The following PPP6R2 variants were observed in gnomAD, a reference collection of about 807,000 sequenced individuals.
PPP6R2 encodes serine/threonine-protein phosphatase 6 regulatory subunit 2.
A neutral mutation model predicts 100.2 loss-of-function variants in PPP6R2; 62 were observed. The observed-to-expected ratio is 0.62, with a 90% CI of 0.50 to 0.76. The LOEUF is 0.76. Among genes scored for constraint, PPP6R2 ranks in the 30% least tolerant of loss-of-function variants. The pLI is 0.00. For synonymous variants in PPP6R2, 525 were observed against 514.7 expected, an observed-to-expected ratio of 1.02 and a Z score of -0.27; for missense variants, 1,142 against 1,276.3, an observed-to-expected ratio of 0.89 and a Z score of 1.60.
rs767854684 is a variant in PPP6R2, at chr22:50,414,602, G to C, written c.465G>C (p.Lys155Asn). The C allele has an allele frequency of 6.2e-7, 1 of 1,613,962 alleles. No homozygotes were observed. The highest frequency in any genetic ancestry group is 8.5e-7 in the Non-Finnish European group (1 of 1,180,004). Residue 155 changes from lysine to asparagine, a missense_variant, in exon 5 of 24, where the codon AAG becomes AAC. Transcript: ENST00000612753. Reference protein sequence around the residue: ...KKDKFISLVLKHIGTSALMDL... With the variant: ...KKDKFISLVLNHIGTSALMDL... ...ACAAGTTCATCAGCCTGGTGTTGAA[G>C]CACATCGGCACCTCAGCGCTTATGG...
chr22:50,427,732 G>GT (rs140946646), intron 10 of PPP6R2, among the ~76,000 whole-genome samples: 28,732 of 147,762 alleles, frequency 0.19, 2,938 homozygotes, highest in East Asian at 0.24. Context: ...GTTTTGTTTT[G>GT]TTTTTTTTGA....
chr22:50,419,733 G>A (rs920244748), intron 8 of PPP6R2, among the ~76,000 whole-genome samples: 5 of 152,234 alleles, frequency 3.3e-5, no homozygotes, highest in African/African-American at 1.2e-4. Flanking sequence ...TGGAACAGGT[G>A]TGGTTGGCAG....
Position 50,377,450 on chromosome 22 carries a change from AAT to A in PPP6R2, c.-17+5302_-17+5303del, listed in dbSNP as rs796897073. On this transcript the variant is annotated intron_variant, in intron 2 of 23. Transcript: ENST00000612753. Reference sequence around the variant, plus strand: ...CAGAACAAGACCCTCTCTCAATAATAATAATAATAATTCAGTGTGTACAGGTT... The same window carrying A: ...CAGAACAAGACCCTCTCTCAATAATAAATAATAATTCAGTGTGTACAGGTT... Among the ~76,000 whole-genome samples, 5 of 134,120 alleles carry A rather than the reference AAT, an allele frequency of 3.7e-5. No individual in the cohort carries two copies. The South Asian group carries it at 1.1e-3, about 29-fold the overall frequency. The allele number at this position is 134,120 out of a possible 152,430, so 88.0% of individuals were successfully genotyped here. A position where few individuals can be genotyped will look rare whatever the true frequency, so the allele number is the denominator to read the frequency against.
In PPP6R2 at chr22:50,438,592, C is replaced by T. The variant is rs1569494538; in HGVS notation, c.1965-7C>T. The T allele has an allele frequency of 1.2e-6, 2 of 1,613,356 alleles. No homozygotes were observed. The highest frequency in any genetic ancestry group is 1.7e-6 in the Non-Finnish European group (2 of 1,179,656). ...CCACCAGACATCTGACTCTGAATCT[C>T]CCCCAGGTTTGGAGCCCCCCATGCT... On this transcript the variant is annotated splice_region_variant and splice_polypyrimidine_tract_variant and intron_variant, in intron 18 of 23. Coordinates refer to ENST00000612753, the MANE Select transcript of PPP6R2 (RefSeq NM_001242898.2).
chr22:50,333,369 C>T, the PPP6R2 span, among the ~76,000 whole-genome samples: 1 of 150,202 alleles, frequency 6.7e-6, no homozygotes, highest in Non-Finnish European at 1.5e-5. Context: ...CGGAGTCTCG[C>T]TCTGTCGCCC....
At chr22:50,361,422 C>G (rs2047764241) in intron 1 of PPP6R2, among the ~76,000 whole-genome samples, 1 of 152,132 alleles carries the variant, frequency 6.6e-6, no homozygotes, top group Admixed American at 6.6e-5. Context: ...CTGCATTAGG[C>G]TTTGAGCTTT....
At chr22:50,374,267 G>A (rs537197248) in intron 2 of PPP6R2, among the ~76,000 whole-genome samples, 1 of 152,284 alleles carries the variant, frequency 6.6e-6, no homozygotes, top group East Asian at 1.9e-4. Flanking sequence ...TCTGAAAGGT[G>A]GAGGTTGCAG....
At chr22:50,339,692 TTGG>T (rs371848972), upstream of PPP6R2, among the ~76,000 whole-genome samples, 27,444 of 125,682 alleles carry the variant, frequency 0.22, 2,927 homozygotes, top group South Asian at 0.39. Context: ...TGTGGTGTGA[TTGG>T]TGTGTAGTGT....
At chr22:50,354,748 C>T (rs773071661) in intron 1 of PPP6R2, among the ~76,000 whole-genome samples, 7 of 151,980 alleles carry the variant, frequency 4.6e-5, no homozygotes, top group Non-Finnish European at 1.0e-4. Context: ...TGCAGTGAAC[C>T]GAGATCATGC....
Position 50,423,837 on chromosome 22 carries a change from C to T in PPP6R2, c.1125+223C>T, listed in dbSNP as rs1018519665. 2.6e-5 allele frequency among the ~76,000 whole-genome samples: 4 copies of T among 152,216 alleles called. No individual in the cohort carries two copies. The highest frequency in any genetic ancestry group is 6.5e-5 in the Admixed American group (1 of 15,288). On this transcript the variant is annotated intron_variant, in intron 10 of 23. Coordinates refer to ENST00000612753, the MANE Select transcript of PPP6R2 (RefSeq NM_001242898.2). The surrounding 1 kb of genome is among the most constrained non-coding windows in gnomAD (Gnocchi z 4.8). ...GGCTCATGGGAAGTGACGAGTCTACCGTAGAATTGCCCTGAAAGCAGAAGG... is the reference window on the plus strand; with the variant it reads ...GGCTCATGGGAAGTGACGAGTCTACTGTAGAATTGCCCTGAAAGCAGAAGG...
intron 1 of PPP6R2, among the ~76,000 whole-genome samples, chr22:50,367,807 CAT>C: frequency 6.6e-6 from 1 of 152,070 alleles, no homozygotes; most frequent in African/African-American, 2.4e-5. Context: ...GAAATAAAGA[CAT>C]AAAGCAAAGA....
chr22:50,369,206 C>G (rs950405253), intron 1 of PPP6R2, among the ~76,000 whole-genome samples: 1 of 151,340 alleles, frequency 6.6e-6, no homozygotes, highest in South Asian at 2.1e-4. Context: ...CCATTGCACT[C>G]CAGCCTGGGC....
rs1029896340 is a variant in PPP6R2, at chr22:50,423,582, C to T, written c.1093C>T (p.Leu365Phe). 2.5e-6 allele frequency: 4 copies of T among 1,614,214 alleles called. No individual in the cohort carries two copies. Among genetic ancestry groups the T allele is most frequent in the Non-Finnish European group, 3.4e-6 (4 of 1,180,042 alleles). The part of the protein sequence containing the change: ...HTNTPSINQE[L>F]CRLNTMDLLL... ...AAACACACCCAGCATCAACCAGGAG[C>T]TCTGCCGGCTCAACACGATGGACTT... Residue 365 changes from leucine to phenylalanine, a missense_variant, in exon 10 of 24, where the codon CTC (leucine) becomes TTC (phenylalanine). Leu to Phe is a conservative substitution (Grantham distance 22). Coordinates refer to ENST00000612753, the MANE Select transcript of PPP6R2 (RefSeq NM_001242898.2). This position sits in a 1 kb window ranked among gnomAD's most constrained non-coding sequence, Gnocchi z 4.8.
intron 1 of PPP6R2, among the ~76,000 whole-genome samples, chr22:50,360,173 C>T (rs1328093227): frequency 6.6e-6 from 1 of 151,800 alleles, no homozygotes; most frequent in Admixed American, 6.6e-5. Context: ...CTGCCTCAGC[C>T]TCCCAAGTAG....
chr22:50,437,420 T>C, intron 15 of PPP6R2, 86 bp from the exon 16 acceptor site: 1 of 904,572 alleles, frequency 1.1e-6, no homozygotes, highest in Non-Finnish European at 1.8e-6. Context: ...CTAGAGAGAT[T>C]GTGGTTCCCA....
rs138408927 is a variant in PPP6R2 at position 50,419,396 on chromosome 22, G to A, written c.779G>A (p.Arg260Gln). 248 of 1,614,204 alleles carry A rather than the reference G, an allele frequency of 1.5e-4. No individual in the cohort carries two copies. The highest frequency in any genetic ancestry group is 6.7e-4 in the East Asian group (30 of 44,882). ...QLLKNMFDGD[R>Q]TESCLVSGTQ... is the part of the protein sequence containing the mutation. ...CTGAAGAACATGTTTGATGGAGACCGGACGGAGAGCTGCCTCGTCAGTGGG... is the reference window on the plus strand; with the variant it reads ...CTGAAGAACATGTTTGATGGAGACCAGACGGAGAGCTGCCTCGTCAGTGGG... Residue 260 changes from arginine (R) to glutamine (Q), a missense_variant, in exon 8 of 24, where the codon CGG (arginine) becomes CAG (glutamine). This residue lies in a region of PPP6R2 where 592 missense variants were observed against 758.9 expected (regional missense o/e 0.78). Transcript: ENST00000612753.
At chr22:50,358,350 A>C in intron 1 of PPP6R2, among the ~76,000 whole-genome samples, 1 of 151,938 alleles carries the variant, frequency 6.6e-6, no homozygotes. Context: ...AAATTTACCA[A>C]TTTTTTCTGT....
intron 8 of PPP6R2, among the ~76,000 whole-genome samples, chr22:50,419,986 T>C (rs1369389393): frequency 6.6e-6 from 1 of 151,992 alleles, no homozygotes; most frequent in East Asian, 1.9e-4. Flanking sequence ...TCTCCTCCAT[T>C]GCCCTTTCTC....
upstream of PPP6R2, among the ~76,000 whole-genome samples, chr22:50,341,641 A>ACT (rs2042397684): frequency 1.3e-5 from 2 of 152,216 alleles, no homozygotes; most frequent in South Asian, 4.1e-4. Flanking sequence ...GTTTTGAACC[A>ACT]GAATGTTGGT....
Sources: allele counts gnomAD v4.1 joint callset (sites outside exome capture counted in the v4.1 genomes callset), GRCh38; gene constraint gnomAD v4.1.1; regional missense constraint gnomAD v4.1.1; non-coding constraint Gnocchi (gnomAD v3.1); transcripts MANE v1.5; gene names NCBI Gene and HGNC (gene_info 2026-07-23, HGNC 2026-07-21).